The following IL19 variants were observed in gnomAD, a reference collection of about 807,000 sequenced individuals.
The protein encoded by IL19 is interleukin 19.
Under a neutral mutation model 19.5 loss-of-function variants are expected in IL19, and 15 were observed. The observed-to-expected ratio is 0.77, with a 90% CI of 0.52 to 1.19. The LOEUF (loss-of-function observed/expected upper bound fraction) is 1.19. IL19 is among the 50% of genes most tolerant of loss of function. The probability of loss-of-function intolerance (pLI) is 0.00; values close to 1 mark genes in which losing one functional copy is unlikely to be tolerated. For missense variants in IL19, 199 were observed against 213.1 expected (o/e 0.93, Z 0.41); for synonymous variants, 78 against 78.3 (o/e 1.00, Z 0.02).
intron 2 of IL19, among the ~76,000 whole-genome samples, chr1:206,813,894 G>A (rs1211181074): frequency 6.6e-6 from 1 of 152,158 alleles, no homozygotes; most frequent in Non-Finnish European, 1.5e-5. Flanking sequence ...AGCAAAAACT[G>A]AGGTTTCCTG....
At chr1:206,802,761 T>A (rs989082671) in intron 2 of IL19, among the ~76,000 whole-genome samples, 2 of 152,182 alleles carry the variant, frequency 1.3e-5, no homozygotes, top group African/African-American at 2.4e-5. Flanking sequence ...TCTGCTCACT[T>A]GTCCTGTCTT....
At chr1:206,788,994 A>C (rs1443409556) in intron 1 of IL19, among the ~76,000 whole-genome samples, 1 of 152,216 alleles carries the variant, frequency 6.6e-6, no homozygotes, top group Non-Finnish European at 1.5e-5. Context: ...TCTGCTGATC[A>C]AGATATAAAA....
intron 2 of IL19, among the ~76,000 whole-genome samples, chr1:206,835,824 T>C (rs1229671388): frequency 1.3e-5 from 2 of 152,246 alleles, no homozygotes; most frequent in Non-Finnish European, 2.9e-5. Context: ...ACCATTATAT[T>C]TTACGCACTT....
In IL19 at chr1:206,842,572, G is replaced by A. The variant is rs560760235; in HGVS notation, c.484G>A (p.Val162Ile). 1.1e-5 allele frequency: 18 copies of A among 1,577,322 alleles called. No individual in the cohort carries two copies. The Admixed American group carries it at 1.5e-4, about 13-fold the overall frequency. Residue 162 changes from valine to isoleucine, a missense_variant, in exon 7 of 7, where the codon GTC becomes ATC. Coordinates refer to ENST00000659997, the MANE Select transcript of IL19 (RefSeq NM_153758.5). The part of the protein sequence containing the change: ...AAIKSLGELD[V>I]FLAWINKNHE... ...CATTAAATCCCTGGGAGAGCTCGAC[G>A]TCTTTCTAGCCTGGATTAATAAGAA... is the stretch of plus-strand genomic sequence containing the variant.
chr1:206,784,412 C>A (rs747881649), intron 1 of IL19, among the ~76,000 whole-genome samples: 1 of 152,196 alleles, frequency 6.6e-6, no homozygotes, highest in Non-Finnish European at 1.5e-5. Flanking sequence ...CAAGACCAGG[C>A]CCTGTCAGCC....
intron 1 of IL19, among the ~76,000 whole-genome samples, chr1:206,792,814 A>G (rs11119564): frequency 0.62 from 93,945 of 151,914 alleles, 29,955 homozygotes; most frequent in East Asian, 0.7. Context: ...TCAGAGAGGT[A>G]ATGTGCCCAA....
intron 1 of IL19, among the ~76,000 whole-genome samples, chr1:206,794,933 G>GAAATC (rs1446796231): frequency 1.8e-4 from 27 of 152,236 alleles, no homozygotes. Context: ...AGGGAAAAGG[G>GAAATC]TCAGTGAGTG....
At position 206,840,988 on chromosome 1, in the gene IL19, C is replaced by T. The variant is rs1676997354; in HGVS notation, c.364-16C>T. On this transcript the variant is annotated splice_polypyrimidine_tract_variant and intron_variant, in intron 5 of 6. Transcript: ENST00000659997. Reference sequence around the variant, plus strand: ...GGAAATGTCCTCTGATAGGAGCTTCCTCCACTTTATCACAGCAGGAACAGA... The same window carrying T: ...GGAAATGTCCTCTGATAGGAGCTTCTTCCACTTTATCACAGCAGGAACAGA... The T allele has an allele frequency of 6.2e-7, 1 of 1,611,452 alleles. No individual in the cohort carries two copies. The highest frequency in any genetic ancestry group is 2.2e-5 in the East Asian group (1 of 44,872).
intron 1 of IL19, among the ~76,000 whole-genome samples, chr1:206,797,692 T>C (rs1326981451): frequency 1.3e-5 from 2 of 152,120 alleles, no homozygotes; most frequent in Non-Finnish European, 2.9e-5. Flanking sequence ...TCACAAACCC[T>C]AGAGGTTCCG....
At chr1:206,837,771 G>T (rs921041645) in intron 4 of IL19, among the ~76,000 whole-genome samples, 1 of 152,188 alleles carries the variant, frequency 6.6e-6, no homozygotes, top group Non-Finnish European at 1.5e-5. Context: ...AGGATTGCTT[G>T]AGCCTGGGAG....
At chr1:206,830,974 TC>T (rs1036817360) in intron 2 of IL19, among the ~76,000 whole-genome samples, 1 of 152,188 alleles carries the variant, frequency 6.6e-6, no homozygotes, top group African/African-American at 2.4e-5. Flanking sequence ...CCAAAATTAC[TC>T]ATATAGATCT....
chr1:206,814,481 A>G (rs1327458835), intron 2 of IL19, among the ~76,000 whole-genome samples: 1 of 147,966 alleles, frequency 6.8e-6, no homozygotes, highest in African/African-American at 2.5e-5. Context: ...ACATGAGGCC[A>G]GGCATTCGAG....
chr1:206,828,068 A>G (rs917957433), intron 2 of IL19, among the ~76,000 whole-genome samples: 2 of 4,270 alleles, frequency 4.7e-4, no homozygotes, highest in African/African-American at 1.0e-3. Flanking sequence ...CTTTTAGTCT[A>G]TGAATTTTGT....
chr1:206,814,376 G>A (rs2102469789), intron 2 of IL19, among the ~76,000 whole-genome samples: 1 of 151,484 alleles, frequency 6.6e-6, no homozygotes, highest in Admixed American at 6.6e-5. Context: ...ACAGCATTCT[G>A]CAGAGGATAA....
Position 206,770,879 on chromosome 1 carries a change from C to T in IL19, c.-348C>T. On this transcript the variant is annotated 5_prime_UTR_variant, in exon 1 of 7. An upstream open reading frame in the 5' UTR gains an earlier in-frame stop. Coordinates refer to ENST00000659997, the MANE Select transcript of IL19 (RefSeq NM_153758.5). ...GGAGATGGTATTTTGGGGGCAGCTG[C>T]AAGGGAAAAAACTGATCTGCTACTT... 1 of 1,612,364 alleles carries T rather than the reference C, an allele frequency of 6.2e-7. No individual in the cohort carries two copies. The highest frequency in any genetic ancestry group is 8.5e-7 in the Non-Finnish European group (1 of 1,178,410).
At position 206,785,634 on chromosome 1, in the gene IL19, G is replaced by A. The variant is rs76277283; in HGVS notation, c.-148-13227G>A. ...AAGTGCAGAGGGACCTCCAGAGAGG[G>A]CAGCCAGGGAGAGGGAGCAGAGTGT... On this transcript the variant is annotated intron_variant, in intron 1 of 6. Coordinates refer to ENST00000659997, the MANE Select transcript of IL19 (RefSeq NM_153758.5). Among the ~76,000 whole-genome samples, 251 of 152,332 alleles carry A rather than the reference G, an allele frequency of 1.6e-3. 1 individual carries two copies. Among genetic ancestry groups the A allele is most frequent in the African/African-American group, 5.7e-3 (238 of 41,568 alleles).
chr1:206,809,034 A>G (rs972219758), intron 2 of IL19, among the ~76,000 whole-genome samples: 3 of 152,174 alleles, frequency 2.0e-5, no homozygotes, highest in Non-Finnish European at 4.4e-5. Context: ...GTTTAGGGAG[A>G]GAGAGCAAAG....
At chr1:206,833,501 A>C (rs946825122) in intron 2 of IL19, among the ~76,000 whole-genome samples, 10 of 152,284 alleles carry the variant, frequency 6.6e-5, no homozygotes, top group Non-Finnish European at 8.8e-5. Context: ...GCAGTAACTC[A>C]GTCCAAACCA....
chr1:206,771,024 G>T lies in IL19; in HGVS notation c.-203G>T, dbSNP rs1674815548. 1.2e-6 allele frequency: 2 copies of T among 1,614,016 alleles called. No individual in the cohort carries two copies. Among genetic ancestry groups the T allele is most frequent in the Non-Finnish European group, 1.7e-6 (2 of 1,180,016 alleles). ...GCATCACCTCCTCCAGGTAAAACTG[G>T]ATCATCTCAGACAAGGCTTGGCAAC... On this transcript the variant is annotated 5_prime_UTR_variant, in exon 1 of 7. Transcript: ENST00000659997.
Sources: allele counts gnomAD v4.1 joint callset (sites outside exome capture counted in the v4.1 genomes callset), GRCh38; gene constraint gnomAD v4.1.1; transcripts MANE v1.5; gene names NCBI Gene and HGNC (gene_info 2026-07-23, HGNC 2026-07-21).